The following PEPD variants were observed in gnomAD, a reference collection of about 807,000 sequenced individuals.
PEPD encodes peptidase D.
PEPD carries 53 observed loss-of-function variants against 60.7 expected under a neutral mutation model. The observed-to-expected ratio is 0.87, with a 90% CI of 0.70 to 1.10. The LOEUF (loss-of-function observed/expected upper bound fraction) is 1.10. PEPD is among the 50% of genes least tolerant of loss of function. PEPD has a pLI of 0.00. For missense variants in PEPD, 711 were observed against 711.9 expected (o/e 1.00, Z 0.01); for synonymous variants, 267 against 284.1 (o/e 0.94, Z 0.60).
chr19:33,484,585 G>C (rs1372806976), intron 6 of PEPD, among the ~76,000 whole-genome samples: 1 of 152,120 alleles, frequency 6.6e-6, no homozygotes, highest in Non-Finnish European at 1.5e-5. Flanking sequence ...AGGCAGGCAT[G>C]AACAGGAACA....
intron 12 of PEPD, among the ~76,000 whole-genome samples, chr19:33,394,152 G>A (rs1295067048): frequency 6.6e-6 from 1 of 152,244 alleles, no homozygotes; most frequent in Non-Finnish European, 1.5e-5. Flanking sequence ...GTTGGCACAT[G>A]GGGCTGGGAG....
Position 33,411,659 on chromosome 19 carries a change from TG to T in PEPD, c.818+12del. ...TGTTCACACACAGAGCCAGGGCCGC[TG>T]GCCCTACTTACCACATATCCCCATT... On this transcript the variant is annotated intron_variant, in intron 11 of 14. Coordinates refer to ENST00000244137, the MANE Select transcript of PEPD (RefSeq NM_000285.4). The T allele has an allele frequency of 1.3e-6, 2 of 1,510,108 alleles. No individual in the cohort carries two copies. The highest frequency in any genetic ancestry group is 1.8e-6 in the Non-Finnish European group (2 of 1,085,882). The allele number at this position is 1,510,108 out of a possible 1,614,324, so 93.5% of individuals were successfully genotyped here.
At chr19:33,424,219 GGAA>G (rs1163292508) in intron 9 of PEPD, among the ~76,000 whole-genome samples, 11 of 152,214 alleles carry the variant, frequency 7.2e-5, no homozygotes, top group African/African-American at 2.4e-5. Context: ...CTGATTCCCA[GGAA>G]GAAGGACAGG....
At chr19:33,415,360 A>T (rs1968869218) in intron 9 of PEPD, among the ~76,000 whole-genome samples, 1 of 152,136 alleles carries the variant, frequency 6.6e-6, no homozygotes, top group Admixed American at 6.5e-5. Context: ...GTGCAGAGGA[A>T]CTCACATATT....
chr19:33,514,352 T>C (rs926913962), intron 1 of PEPD, among the ~76,000 whole-genome samples: 1 of 151,786 alleles, frequency 6.6e-6, no homozygotes, highest in African/African-American at 2.4e-5. Flanking sequence ...CACCTCACAC[T>C]CACCTCACAT....
chr19:33,401,598 A>G (rs1034529473), intron 12 of PEPD, 123 bp downstream of exon 12: 5 of 916,584 alleles, frequency 5.5e-6, no homozygotes, highest in Non-Finnish European at 8.6e-6. Flanking sequence ...TCAGGGACTA[A>G]GCATCTGGAG....
intron 9 of PEPD, among the ~76,000 whole-genome samples, chr19:33,462,533 G>A (rs546642092): frequency 1.3e-5 from 2 of 152,362 alleles, no homozygotes; most frequent in African/African-American, 2.4e-5. Context: ...CCACTGGCTC[G>A]CTGCAGCCCT....
chr19:33,431,387 G>A (rs1969271570), intron 9 of PEPD, among the ~76,000 whole-genome samples: 1 of 152,284 alleles, frequency 6.6e-6, no homozygotes, highest in South Asian at 2.1e-4. Context: ...CAGGGCTGGG[G>A]GCCCATCTTC....
intron 6 of PEPD, among the ~76,000 whole-genome samples, chr19:33,480,816 GTGT>G: frequency 8.9e-6 from 1 of 112,864 alleles, no homozygotes; most frequent in African/African-American, 3.8e-5. Flanking sequence ...TATATAGCGT[GTGT>G]GTGTGTGTGT....
At chr19:33,476,631 G>A (rs962181251) in intron 7 of PEPD, among the ~76,000 whole-genome samples, 4 of 151,980 alleles carry the variant, frequency 2.6e-5, no homozygotes, top group African/African-American at 9.7e-5. Flanking sequence ...CTACAGCTGG[G>A]TCTCTAGTCT....
At chr19:33,485,364 G>A (rs931977566) in intron 6 of PEPD, among the ~76,000 whole-genome samples, 24 of 151,962 alleles carry the variant, frequency 1.6e-4, no homozygotes, top group Admixed American at 2.6e-4. Context: ...GTGGTGGTGC[G>A]CACCTGTAAT....
chr19:33,485,491 TAAAAA>T (rs908651690), intron 6 of PEPD, among the ~76,000 whole-genome samples: 2 of 110,966 alleles, frequency 1.8e-5, no homozygotes, highest in Non-Finnish European at 3.6e-5. Flanking sequence ...AGACTCTGTC[TAAAAA>T]AAAAAAAAAA....
intron 11 of PEPD, among the ~76,000 whole-genome samples, chr19:33,409,530 C>G (rs1968715907): frequency 6.6e-6 from 1 of 152,162 alleles, no homozygotes; most frequent in Non-Finnish European, 1.5e-5. Context: ...AAAAAATTAG[C>G]TGGGCATGGT....
chr19:33,492,043 CAAA>C (rs757173823), intron 5 of PEPD, among the ~76,000 whole-genome samples: 7 of 81,554 alleles, frequency 8.6e-5, no homozygotes, highest in South Asian at 1.0e-3. Context: ...TATTCCATTT[CAAA>C]AAAAAAAAAA....
chr19:33,503,823 G>A (rs991993036), intron 3 of PEPD, among the ~76,000 whole-genome samples: 1 of 152,160 alleles, frequency 6.6e-6, no homozygotes, highest in Non-Finnish European at 1.5e-5. Context: ...GAGTGGGGAA[G>A]TACAAAGGAT....
chr19:33,487,723 G>GTAA lies in PEPD; in HGVS notation c.503+2270_503+2272dup, dbSNP rs527818218. 6.1e-4 allele frequency among the ~76,000 whole-genome samples: 93 copies of GTAA among 152,230 alleles called. No individual in the cohort carries two copies. The South Asian group carries it at 0.018, about 30-fold the overall frequency. ...CGGTGCCTGGGGAGATGGTGCAAAA[G>GTAA]TAAGGCAGTCCCTGGCTCTCCAAAA... On this transcript the variant is annotated intron_variant, in intron 6 of 14. Coordinates refer to ENST00000244137, the MANE Select transcript of PEPD (RefSeq NM_000285.4).
At chr19:33,423,884 T>C (rs1438429057) in intron 9 of PEPD, among the ~76,000 whole-genome samples, 1 of 152,258 alleles carries the variant, frequency 6.6e-6, no homozygotes, top group East Asian at 1.9e-4. Context: ...CCTATGATTA[T>C]ATAAACTCTA....
intron 6 of PEPD, among the ~76,000 whole-genome samples, chr19:33,479,938 C>A (rs989439181): frequency 2.6e-5 from 4 of 152,118 alleles, no homozygotes; most frequent in African/African-American, 9.7e-5. Flanking sequence ...TACTCAGTAA[C>A]GGGATTGCTG....
intron 9 of PEPD, among the ~76,000 whole-genome samples, chr19:33,459,634 A>G (rs1410214018): frequency 2.0e-5 from 3 of 151,680 alleles, no homozygotes; most frequent in African/African-American, 7.3e-5. Flanking sequence ...CAGGCGCCGC[A>G]TGAGGGAGGA....
Sources: gnomAD v4.1 joint callset for allele counts (sites outside exome capture counted in the v4.1 genomes callset) on GRCh38, gnomAD v4.1.1 for gene constraint, MANE v1.5 for transcripts, NCBI Gene and HGNC (gene_info 2026-07-23, HGNC 2026-07-21) for gene names.